DLGAP1: variants seen among roughly 807,000 people sequenced by gnomAD.
The protein encoded by DLGAP1 is DLG associated protein 1, also known as disks large-associated protein 1.
Under a neutral mutation model 90.8 loss-of-function variants are expected in DLGAP1, and 11 were observed. The observed-to-expected ratio is 0.12, with a 90% confidence interval of 0.08 to 0.20. DLGAP1 has a LOEUF of 0.20. DLGAP1 is among the 10% of genes least tolerant of loss of function. DLGAP1 has a pLI of 1.00. For synonymous variants in DLGAP1, 558 were observed against 540.7 expected (o/e 1.03, Z -0.44); for missense variants, 1,050 against 1,333.8 (o/e 0.79, Z 3.31).
chr18:4,286,233 G>A (rs2079687758), intron 1 of DLGAP1, among the ~76,000 whole-genome samples: 1 of 152,114 alleles, frequency 6.6e-6, no homozygotes, highest in Admixed American at 6.6e-5. Flanking sequence ...GCCAAATTAA[G>A]CAGCAGGTAA....
chr18:4,429,131 T>C (rs560245241), intron 1 of DLGAP1, among the ~76,000 whole-genome samples: 1 of 152,356 alleles, frequency 6.6e-6, no homozygotes, highest in South Asian at 2.1e-4. Flanking sequence ...TTTAGGTCAG[T>C]ATATGAAATT....
chr18:3,569,096 G>A (rs1002035660), intron 8 of DLGAP1, among the ~76,000 whole-genome samples: 5 of 151,654 alleles, frequency 3.3e-5, no homozygotes, highest in African/African-American at 1.2e-4. Context: ...CCGCTTCCCG[G>A]GTTCAAGCAA....
At chr18:4,233,695 A>C (rs1164225127) in intron 1 of DLGAP1, among the ~76,000 whole-genome samples, 1 of 152,150 alleles carries the variant, frequency 6.6e-6, no homozygotes, top group Admixed American at 6.5e-5. Context: ...GAGTATTATC[A>C]AGGAATATGC....
At chr18:3,796,384 G>A (rs1239343021) in intron 5 of DLGAP1, among the ~76,000 whole-genome samples, 6 of 152,258 alleles carry the variant, frequency 3.9e-5, no homozygotes, top group South Asian at 2.1e-4. Context: ...CAGATTCTCC[G>A]GTATACAAAG....
At chr18:3,699,722 T>C (rs2061216001) in intron 7 of DLGAP1, among the ~76,000 whole-genome samples, 1 of 152,200 alleles carries the variant, frequency 6.6e-6, no homozygotes, top group South Asian at 2.1e-4. Flanking sequence ...TTAAGCCTGC[T>C]GAAGCTGTCT....
At chr18:3,924,979 G>A (rs1426324153) in intron 3 of DLGAP1, among the ~76,000 whole-genome samples, 1 of 152,044 alleles carries the variant, frequency 6.6e-6, no homozygotes, top group Non-Finnish European at 1.5e-5. Context: ...TGGAGACAGA[G>A]TCTTGCTCCA....
chr18:4,089,848 A>G (rs566324514), intron 2 of DLGAP1, among the ~76,000 whole-genome samples: 47 of 152,322 alleles, frequency 3.1e-4, no homozygotes, highest in African/African-American at 9.1e-4. Context: ...GATCGAGACC[A>G]TCCTGGCTAA....
intron 9 of DLGAP1, among the ~76,000 whole-genome samples, chr18:3,556,580 G>A (rs1568188731): frequency 6.6e-6 from 1 of 151,968 alleles, no homozygotes; most frequent in Non-Finnish European, 1.5e-5. Context: ...TCTTTTTGTG[G>A]CTCAATAGCT....
At chr18:3,670,787 T>A (rs1030969213) in intron 7 of DLGAP1, among the ~76,000 whole-genome samples, 11 of 152,238 alleles carry the variant, frequency 7.2e-5, no homozygotes, top group African/African-American at 2.4e-4. Flanking sequence ...TTTGCTGTCA[T>A]TTAAGCAAAA....
At chr18:3,833,292 G>A (rs1026499562) in intron 4 of DLGAP1, among the ~76,000 whole-genome samples, 2 of 150,754 alleles carry the variant, frequency 1.3e-5, no homozygotes, top group African/African-American at 4.9e-5. Flanking sequence ...GGAGTGCAGT[G>A]GTGCAATCAC....
intron 7 of DLGAP1, among the ~76,000 whole-genome samples, chr18:3,662,859 G>A (rs1222085888): frequency 1.3e-5 from 2 of 152,160 alleles, no homozygotes; most frequent in Admixed American, 6.5e-5. Context: ...AGTATACGTT[G>A]GACATATATG....
chr18:4,269,354 A>ATTTTTTT (rs202021108), intron 1 of DLGAP1, among the ~76,000 whole-genome samples: 2 of 132,124 alleles, frequency 1.5e-5, no homozygotes, highest in African/African-American at 2.9e-5. Flanking sequence ...ATATATATAT[A>ATTTTTTT]TTTTTTTTTT....
chr18:3,790,496 C>T (rs1387783133), intron 5 of DLGAP1, among the ~76,000 whole-genome samples: 2 of 151,956 alleles, frequency 1.3e-5, no homozygotes, highest in African/African-American at 2.4e-5. Flanking sequence ...CTCAAAATCC[C>T]GGGCTCAAGT....
chr18:4,258,615 A>G (rs1467362244), intron 1 of DLGAP1, among the ~76,000 whole-genome samples: 1 of 152,174 alleles, frequency 6.6e-6, no homozygotes, highest in Non-Finnish European at 1.5e-5. Context: ...AAAAATATAT[A>G]ATATTAAAAT....
At chr18:4,324,260 A>G (rs567005125) in intron 1 of DLGAP1, among the ~76,000 whole-genome samples, 52 of 151,758 alleles carry the variant, frequency 3.4e-4, no homozygotes, top group African/African-American at 1.2e-3. Flanking sequence ...CAACTAGAAA[A>G]TTTAGAAGAA....
At chr18:4,280,610 T>G (rs1325462061) in intron 1 of DLGAP1, 1 of 152,204 alleles carries the variant, frequency 6.6e-6, no homozygotes, top group Non-Finnish European at 1.5e-5. Context: ...TCACACTTGT[T>G]TGTAATGATT....
intron 5 of DLGAP1, among the ~76,000 whole-genome samples, chr18:3,776,470 C>A (rs1301618448): frequency 6.6e-6 from 1 of 152,112 alleles, no homozygotes; most frequent in Non-Finnish European, 1.5e-5. Context: ...ATCCAAGAGA[C>A]CGGCCTCTTG....
chr18:3,845,141 G>A, intron 4 of DLGAP1: 1 of 1,497,642 alleles, frequency 6.7e-7, no homozygotes, highest in Non-Finnish European at 9.1e-7. Context: ...ACTCCAGTAT[G>A]TTAAAAGAAA....
chr18:4,352,621 C>G (rs1295176082), intron 1 of DLGAP1, among the ~76,000 whole-genome samples: 1 of 152,040 alleles, frequency 6.6e-6, no homozygotes, highest in Non-Finnish European at 1.5e-5. Context: ...AATCTCTCAC[C>G]CACTTACCCA....
Sources: allele counts gnomAD v4.1 joint callset (sites outside exome capture counted in the v4.1 genomes callset), GRCh38; gene constraint gnomAD v4.1.1; transcripts MANE v1.5; gene names NCBI Gene and HGNC (gene_info 2026-07-23, HGNC 2026-07-21).